EDA: variants seen among roughly 807,000 people sequenced by gnomAD.
EDA encodes ectodysplasin A.
Under a neutral mutation model 23.6 loss-of-function variants are expected in EDA, and 2 were observed. The ratio of observed to expected loss-of-function variants is 0.08; its 90% CI spans 0.03 to 0.27. EDA has a LOEUF of 0.27. Among genes scored for constraint, EDA ranks in the 10% least tolerant of loss-of-function variants. EDA has a pLI of 1.00. For synonymous variants in EDA, 131 were observed against 132.0 expected, an observed-to-expected ratio of 0.99 and a Z score of 0.05; for missense variants, 229 against 324.2, an observed-to-expected ratio of 0.71 and a Z score of 2.26.
At chrX:69,752,440 G>A (rs1301977354) in intron 1 of EDA, among the ~76,000 whole-genome samples, 1 of 111,691 alleles carries the variant, frequency 9.0e-6, no homozygotes, top group East Asian at 2.8e-4. Flanking sequence ...CCTGATCCTG[G>A]TGGATAAGCT....
intron 1 of EDA, among the ~76,000 whole-genome samples, chrX:69,826,297 G>A (rs1384772835): frequency 9.1e-6 from 1 of 110,362 alleles, no homozygotes; most frequent in Non-Finnish European, 1.9e-5. Flanking sequence ...TTGACAGTGG[G>A]GTATTAAAGT....
intron 1 of EDA, among the ~76,000 whole-genome samples, chrX:69,824,761 A>G (rs1287053338): frequency 2.6e-5 from 2 of 77,074 alleles, no homozygotes; most frequent in African/African-American, 1.1e-4. Flanking sequence ...GAGAGAGGGC[A>G]TCCCTGTCTT....
chrX:69,967,697 T>C (rs1362296314), intron 2 of EDA, among the ~76,000 whole-genome samples: 1 of 112,145 alleles, frequency 8.9e-6, no homozygotes, highest in Non-Finnish European at 1.9e-5. Flanking sequence ...GCTTAAAACA[T>C]GGCTTAACCT....
chrX:69,666,726 A>C (rs1933696347), intron 1 of EDA, among the ~76,000 whole-genome samples: 1 of 112,089 alleles, frequency 8.9e-6, no homozygotes, highest in Non-Finnish European at 1.9e-5. Context: ...TTTTGCATTA[A>C]TATTCATCAG....
chrX:69,793,980 T>C (rs1203413579), intron 1 of EDA, among the ~76,000 whole-genome samples: 2 of 111,665 alleles, frequency 1.8e-5, no homozygotes, highest in African/African-American at 6.5e-5. Flanking sequence ...AGCTTGTGCT[T>C]CCTGCAGGCT....
chrX:69,624,866 C>T (rs1203906154), intron 1 of EDA, among the ~76,000 whole-genome samples: 1 of 109,758 alleles, frequency 9.1e-6, no homozygotes, highest in Non-Finnish European at 1.9e-5. Context: ...GAAAAACAGC[C>T]TCTCTCAGTT....
intron 1 of EDA, among the ~76,000 whole-genome samples, chrX:69,747,853 C>T (rs1044959689): frequency 9.0e-6 from 1 of 111,414 alleles, no homozygotes; most frequent in African/African-American, 3.3e-5. Context: ...AGTGAGACAG[C>T]GATTTGGAAA....
intron 1 of EDA, among the ~76,000 whole-genome samples, chrX:69,793,570 GTT>G (rs67241807): frequency 0.082 from 4,830 of 58,597 alleles, 110 homozygotes; most frequent in Middle Eastern, 0.095. Context: ...GTTTGTTTTT[GTT>G]TTTTTTTTTT....
chrX:69,636,127 G>A lies in EDA; in HGVS notation c.396+19423G>A, dbSNP rs765092596. On this transcript the variant is annotated intron_variant, in intron 1 of 7. Transcript: ENST00000374552. ...TTAAAACATAATCCCCAATGTTGGA[G>A]GTGGGGCCTGGTGGAAGGTGTTTGA... 6.7e-4 allele frequency among the ~76,000 whole-genome samples: 74 copies of A among 110,930 alleles called. 1 individual carries two copies. Among genetic ancestry groups the A allele is most frequent in the African/African-American group, 2.4e-3 (74 of 30,516 alleles).
intron 1 of EDA, among the ~76,000 whole-genome samples, chrX:69,856,494 G>A (rs1443545917): frequency 1.8e-5 from 2 of 110,372 alleles, no homozygotes; most frequent in African/African-American, 6.6e-5. Flanking sequence ...CTGTAACAGT[G>A]TTCCCTTTTC....
intron 1 of EDA, chrX:69,617,078 G>A: frequency 2.8e-6 from 1 of 362,360 alleles, no homozygotes; most frequent in Non-Finnish European, 5.0e-6. Flanking sequence ...TTGTTTTTTC[G>A]TGTCTAGAGC....
At chrX:70,000,833 T>G (rs2019730914) in intron 2 of EDA, among the ~76,000 whole-genome samples, 1 of 112,085 alleles carries the variant, frequency 8.9e-6, no homozygotes, top group Non-Finnish European at 1.9e-5. Context: ...GTAGTGGAGC[T>G]GGGCTTGAAT....
At chrX:69,654,751 AAC>A (rs1455840184) in intron 1 of EDA, among the ~76,000 whole-genome samples, 3 of 97,583 alleles carry the variant, frequency 3.1e-5, no homozygotes, top group Non-Finnish European at 4.1e-5. Context: ...GAACAATGAG[AAC>A]ACATGGACAC....
At chrX:70,027,189 C>T (rs1744310032) in intron 3 of EDA, among the ~76,000 whole-genome samples, 1 of 111,934 alleles carries the variant, frequency 8.9e-6, no homozygotes. Flanking sequence ...GAAATGTAAC[C>T]TCCTTTTTGA....
At chrX:69,910,507 T>C (rs1309577610) in intron 1 of EDA, among the ~76,000 whole-genome samples, 3 of 109,021 alleles carry the variant, frequency 2.8e-5, no homozygotes, top group Non-Finnish European at 5.7e-5. Context: ...TGGGGAAATT[T>C]TGACCATTTC....
intron 2 of EDA, among the ~76,000 whole-genome samples, chrX:70,015,340 A>G (rs2019932295): frequency 8.9e-6 from 1 of 112,035 alleles, no homozygotes; most frequent in Non-Finnish European, 1.9e-5. Context: ...TGGGAGGCCA[A>G]CGCGGGTGGA....
intron 1 of EDA, among the ~76,000 whole-genome samples, chrX:69,844,390 C>A (rs756792373): frequency 1.4e-4 from 16 of 112,951 alleles, no homozygotes; most frequent in African/African-American, 5.1e-4. Context: ...CCTAAGGCTG[C>A]TGTAGTGTTG....
chrX:69,642,646 G>A (rs1230786253), intron 1 of EDA, among the ~76,000 whole-genome samples: 2 of 111,523 alleles, frequency 1.8e-5, no homozygotes, highest in African/African-American at 6.5e-5. Flanking sequence ...GATATACACT[G>A]TAAAAATCTT....
intron 1 of EDA, among the ~76,000 whole-genome samples, chrX:69,639,536 A>G (rs1006299762): frequency 1.8e-5 from 2 of 111,974 alleles, no homozygotes; most frequent in African/African-American, 6.5e-5. Context: ...GCATCTTTCC[A>G]TATGCTTATT....
Sources: gnomAD v4.1 joint callset for allele counts (sites outside exome capture counted in the v4.1 genomes callset) on GRCh38, gnomAD v4.1.1 for gene constraint, MANE v1.5 for transcripts, NCBI Gene and HGNC (gene_info 2026-07-23, HGNC 2026-07-21) for gene names.